Variants in CYBRD1 observed in about 807,000 individuals in gnomAD.
The protein encoded by CYBRD1 is plasma membrane ascorbate-dependent reductase CYBRD1.
Under a neutral mutation model 21.9 loss-of-function variants are expected in CYBRD1, and 14 were observed. The ratio of observed to expected loss-of-function variants is 0.64; its 90% CI spans 0.42 to 1.00. CYBRD1 has a LOEUF of 1.00. Ranked by LOEUF, CYBRD1 falls within the 50% of genes least tolerant of loss-of-function variation. The probability of loss-of-function intolerance (pLI) is 0.00; values close to 1 mark genes in which losing one functional copy is unlikely to be tolerated. For missense variants in CYBRD1, 328 were observed against 352.5 expected (o/e 0.93, Z 0.56); for synonymous variants, 146 against 136.5 (o/e 1.07, Z -0.48).
chr2:171,548,346 A>G (rs1229436264), intron 2 of CYBRD1, among the ~76,000 whole-genome samples: 1 of 152,204 alleles, frequency 6.6e-6, no homozygotes, highest in Admixed American at 6.5e-5. Context: ...GGTGATTCAG[A>G]TTAGTGCTAA....
chr2:171,543,460 A>T (rs1344810312), intron 2 of CYBRD1, among the ~76,000 whole-genome samples: 3 of 152,002 alleles, frequency 2.0e-5, no homozygotes, highest in Non-Finnish European at 4.4e-5. Flanking sequence ...AAACTCTCTG[A>T]CTTCTCCTTC....
chr2:171,524,348 C>T (rs1241970671), intron 1 of CYBRD1, among the ~76,000 whole-genome samples: 1 of 152,098 alleles, frequency 6.6e-6, no homozygotes, highest in Non-Finnish European at 1.5e-5. Context: ...GTGGTGGAGC[C>T]CTTAAGTTTG....
intron 2 of CYBRD1, among the ~76,000 whole-genome samples, chr2:171,547,940 TC>T (rs966348151): frequency 1.3e-5 from 2 of 151,982 alleles, no homozygotes; most frequent in Non-Finnish European, 2.9e-5. Context: ...CCAGGGGTAG[TC>T]ATGAAGATGG....
At chr2:171,536,011 G>T (rs1283532641) in intron 1 of CYBRD1, among the ~76,000 whole-genome samples, 1 of 151,990 alleles carries the variant, frequency 6.6e-6, no homozygotes, top group Admixed American at 6.6e-5. Context: ...AATCGGAAGG[G>T]ATGTGTGTTT....
chr2:171,527,274 A>T lies in CYBRD1; in HGVS notation c.193+4536A>T, dbSNP rs564674543. Among the ~76,000 whole-genome samples the T allele has an allele frequency of 4.9e-4, 74 of 152,366 alleles. 1 individual carries two copies. In the Middle Eastern group the frequency reaches 0.014, roughly 28 times the overall value. On this transcript the variant is annotated intron_variant, in intron 1 of 3. Coordinates refer to ENST00000321348, the MANE Select transcript of CYBRD1 (RefSeq NM_024843.4). Reference sequence around the variant, plus strand: ...CATATTTTTTGTTGTAAATAAATACACATAGATTTTTAAATAATGCAACCA... The same window carrying T: ...CATATTTTTTGTTGTAAATAAATACTCATAGATTTTTAAATAATGCAACCA...
chr2:171,551,561 A>G (rs1349522263), intron 2 of CYBRD1, among the ~76,000 whole-genome samples: 1 of 152,196 alleles, frequency 6.6e-6, no homozygotes, highest in Non-Finnish European at 1.5e-5. Context: ...AAATTTTAGA[A>G]TCAATGCATC....
chr2:171,551,733 C>T (rs1006779575), intron 2 of CYBRD1, among the ~76,000 whole-genome samples: 2 of 152,132 alleles, frequency 1.3e-5, no homozygotes, highest in African/African-American at 2.4e-5. Flanking sequence ...GAGTTGTTGT[C>T]TCCAACTTAT....
Position 171,522,649 on chromosome 2 carries a change from G to A in CYBRD1, c.104G>A (p.Arg35Gln), listed in dbSNP as rs775711731. ...IFALVWVLHY[R>Q]EGLGWDGSAL... ...GCCCTCGTCTGGGTCCTCCACTACC[G>A]AGAGGGGCTTGGCTGGGATGGGAGC... The change falls in exon 1 of 4, where the codon CGA (arginine) becomes CAA (glutamine). Residue 35 changes from arginine (R) to glutamine (Q), a missense_variant. Arg to Gln is a conservative substitution (Grantham distance 43). Transcript: ENST00000321348. The surrounding 1 kb of genome is among the most constrained non-coding windows in gnomAD (Gnocchi z 4.3). 1.2e-6 allele frequency: 2 copies of A among 1,613,436 alleles called. No individual in the cohort carries two copies. The highest frequency in any genetic ancestry group is 1.7e-6 in the Non-Finnish European group (2 of 1,179,948).
chr2:171,539,587 C>T (rs1697598233), intron 1 of CYBRD1, among the ~76,000 whole-genome samples: 1 of 152,180 alleles, frequency 6.6e-6, no homozygotes, highest in Admixed American at 6.5e-5. Flanking sequence ...TAAATTTTCC[C>T]TGACACAGAC....
chr2:171,554,197 C>A (rs950947181), intron 3 of CYBRD1, among the ~76,000 whole-genome samples: 12 of 152,252 alleles, frequency 7.9e-5, no homozygotes, highest in African/African-American at 2.9e-4. Flanking sequence ...CCTTTTGCTA[C>A]TTAGATGTGG....
chr2:171,534,306 G>A (rs1697515668), intron 1 of CYBRD1, among the ~76,000 whole-genome samples: 1 of 152,120 alleles, frequency 6.6e-6, no homozygotes, highest in South Asian at 2.1e-4. Flanking sequence ...CCCTTCTTGT[G>A]GGCTTAGGGG....
At chr2:171,527,655 A>G (rs1042546149) in intron 1 of CYBRD1, among the ~76,000 whole-genome samples, 2 of 152,144 alleles carry the variant, frequency 1.3e-5, no homozygotes, top group Non-Finnish European at 2.9e-5. Context: ...CTTAAGTACA[A>G]TCTGTACCTC....
intron 1 of CYBRD1, among the ~76,000 whole-genome samples, chr2:171,528,897 T>G (rs1442972805): frequency 6.6e-6 from 1 of 152,222 alleles, no homozygotes. Context: ...TCCATACTTC[T>G]CAGCCATTTC....
At chr2:171,538,551 C>T (rs1402768843) in intron 1 of CYBRD1, among the ~76,000 whole-genome samples, 2 of 152,160 alleles carry the variant, frequency 1.3e-5, no homozygotes, top group Non-Finnish European at 2.9e-5. Context: ...ATAGGATACC[C>T]ATATACACAC....
intron 2 of CYBRD1, among the ~76,000 whole-genome samples, chr2:171,552,168 G>A (rs1453486083): frequency 1.3e-5 from 2 of 152,160 alleles, no homozygotes; most frequent in Non-Finnish European, 2.9e-5. Flanking sequence ...CCTATAGCAT[G>A]TTCTGTCCTA....
intron 1 of CYBRD1, chr2:171,541,196 A>C: frequency 3.6e-6 from 1 of 274,164 alleles, no homozygotes; most frequent in African/African-American, 2.2e-5. Flanking sequence ...AAGACATTGG[A>C]TTATGCAGAT....
chr2:171,528,930 G>A (rs1006488242), intron 1 of CYBRD1, among the ~76,000 whole-genome samples: 1 of 152,138 alleles, frequency 6.6e-6, no homozygotes, highest in African/African-American at 2.4e-5. Flanking sequence ...TATAGACTCT[G>A]AATTCAAAAT....
intron 2 of CYBRD1, among the ~76,000 whole-genome samples, 171 bp downstream of exon 2, chr2:171,541,964 A>G (rs1255461488): frequency 1.3e-5 from 2 of 149,108 alleles, no homozygotes; most frequent in African/African-American, 5.0e-5. Context: ...TCCAGGGTTC[A>G]AGTGATTCTC....
At chr2:171,554,024 C>T (rs564321800) in intron 3 of CYBRD1, among the ~76,000 whole-genome samples, 5 of 152,120 alleles carry the variant, frequency 3.3e-5, no homozygotes, top group Non-Finnish European at 7.3e-5. Context: ...GTCCAAATAG[C>T]CCCTAGAGGT....
Sources: allele counts gnomAD v4.1 joint callset (sites outside exome capture counted in the v4.1 genomes callset), GRCh38; gene constraint gnomAD v4.1.1; non-coding constraint Gnocchi (gnomAD v3.1); transcripts MANE v1.5; gene names NCBI Gene and HGNC (gene_info 2026-07-23, HGNC 2026-07-21).